Variants in P4HB observed in about 807,000 individuals in gnomAD.
P4HB encodes protein disulfide-isomerase.
Under a neutral mutation model 52.6 loss-of-function variants are expected in P4HB, and 20 were observed. The ratio of observed to expected loss-of-function variants is 0.38; its 90% CI spans 0.27 to 0.55. The LOEUF (loss-of-function observed/expected upper bound fraction) is 0.55. P4HB is among the 20% of genes least tolerant of loss of function. The pLI, the probability that P4HB is intolerant of heterozygous loss-of-function variation, is 0.74. For missense variants in P4HB, 601 were observed against 669.2 expected (o/e 0.90, Z 1.12); for synonymous variants, 296 against 277.9 (o/e 1.07, Z -0.65).
chr17:81,852,810 C>T (rs192029617), intron 4 of P4HB, among the ~76,000 whole-genome samples: 2 of 152,342 alleles, frequency 1.3e-5, no homozygotes, highest in East Asian at 3.9e-4. Flanking sequence ...AGAGTCACAG[C>T]GGCCACTGCA....
chr17:81,852,842 G>A (rs1345096838), intron 4 of P4HB, among the ~76,000 whole-genome samples: 7 of 152,260 alleles, frequency 4.6e-5, no homozygotes, highest in Non-Finnish European at 1.0e-4. Flanking sequence ...CACTGAAGGA[G>A]CTGTGGGCTG....
At chr17:81,854,852 A>G (rs1328504268) in intron 4 of P4HB, among the ~76,000 whole-genome samples, 3 of 151,474 alleles carry the variant, frequency 2.0e-5, no homozygotes, top group East Asian at 3.9e-4. Context: ...AAAAAAAAAA[A>G]GGGCAAATGT....
intron 4 of P4HB, among the ~76,000 whole-genome samples, chr17:81,848,408 G>A (rs2038772602): frequency 6.6e-6 from 1 of 152,040 alleles, no homozygotes; most frequent in Non-Finnish European, 1.5e-5. Context: ...CCGTAAAGAT[G>A]TGATTTATGA....
chr17:81,858,101 G>A (rs1243476739), intron 2 of P4HB, among the ~76,000 whole-genome samples: 1 of 151,766 alleles, frequency 6.6e-6, no homozygotes, highest in African/African-American at 2.4e-5. Flanking sequence ...GTGAAACCCC[G>A]TCTCTACTAA....
Position 81,855,671 on chromosome 17 carries a change from C to T in P4HB, c.353-85G>A. The T allele has an allele frequency of 1.3e-6, 2 of 1,501,914 alleles. No homozygotes were observed. Among genetic ancestry groups the T allele is most frequent in the South Asian group, 1.3e-5 (1 of 79,696 alleles). The allele number at this position is 1,501,914 out of a possible 1,614,324, so 93.0% of individuals were successfully genotyped here. A position where few individuals can be genotyped will look rare whatever the true frequency, so the allele number is the denominator to read the frequency against. ...GCCTGCTCCCGTCTCTGCTCTCTGCCAGCCAGGCTGAGGACACCTGAATCA... is the reference window on the plus strand; with the variant it reads ...GCCTGCTCCCGTCTCTGCTCTCTGCTAGCCAGGCTGAGGACACCTGAATCA... On this transcript the variant is annotated intron_variant, in intron 2 of 10. Transcript: ENST00000331483. The surrounding 1 kb of genome is among the most constrained non-coding windows in gnomAD (Gnocchi z 4.3).
At chr17:81,849,313 T>C (rs1264737427) in intron 4 of P4HB, among the ~76,000 whole-genome samples, 2 of 151,652 alleles carry the variant, frequency 1.3e-5, no homozygotes, top group Non-Finnish European at 2.9e-5. Flanking sequence ...TAATCCAACA[T>C]GGTAAAACGT....
At position 81,846,358 on chromosome 17, in the gene P4HB, C is replaced by G; in HGVS notation, c.1056+71G>C. The G allele has an allele frequency of 7.2e-7, 1 of 1,397,430 alleles. No individual in the cohort carries two copies. Among genetic ancestry groups the G allele is most frequent in the South Asian group, 1.2e-5 (1 of 86,490 alleles). 86.6% of individuals were successfully genotyped at this position (1,397,430 alleles called of 1,614,324 possible). A position where few individuals can be genotyped will look rare whatever the true frequency, so the allele number is the denominator to read the frequency against. The stretch of plus-strand genomic sequence containing the variant: ...TACTTTGAGGACGAAGCCCAGGACA[C>G]TGAGAGCCCAGAGACCCCAAGGTGG... On this transcript the variant is annotated intron_variant, in intron 7 of 10. Transcript: ENST00000331483. This position sits in a 1 kb window ranked among gnomAD's most constrained non-coding sequence, Gnocchi z 5.7.
At chr17:81,860,227 C>T in intron 1 of P4HB, 100 bp downstream of exon 1, 1 of 1,035,086 alleles carries the variant, frequency 9.7e-7, no homozygotes, top group Non-Finnish European at 1.3e-6. Flanking sequence ...TCCGGGCGCG[C>T]CGGGGGTCCC....
intron 2 of P4HB, chr17:81,858,804 A>C: frequency 4.2e-6 from 1 of 235,494 alleles, no homozygotes; most frequent in Non-Finnish European, 8.5e-6. Context: ...GCTACACACG[A>C]CAGCTAGCAG....
At position 81,847,343 on chromosome 17, in the gene P4HB, T is replaced by A. The variant is rs2038753134; in HGVS notation, c.629A>T (p.Asp210Val). ...CCCTTCAAAGTTGTTCCGGCCTTCA[T>A]CAAACTGTGGACAGAAAGAGGGCCC... ...KDGVVLFKKF[D>V]EGRNNFEGEV... Residue 210 changes from aspartate to valine, a missense_variant, in exon 5 of 11, where the codon GAT becomes GTT. Coordinates refer to ENST00000331483, the MANE Select transcript of P4HB (RefSeq NM_000918.4). 1 of 1,613,464 alleles carries A rather than the reference T, an allele frequency of 6.2e-7. No homozygotes were observed. Among genetic ancestry groups the A allele is most frequent in the South Asian group, 1.1e-5 (1 of 91,084 alleles).
chr17:81,844,928 C>G (rs563997329), intron 10 of P4HB, among the ~76,000 whole-genome samples: 7 of 152,376 alleles, frequency 4.6e-5, no homozygotes, highest in African/African-American at 1.7e-4. Context: ...AACGTCGTCC[C>G]CTAAAGAAGT....
chr17:81,845,164 C>G lies in P4HB; in HGVS notation c.1426G>C (p.Asp476His). 6.2e-7 allele frequency: 1 copy of G among 1,613,678 alleles called. No individual in the cohort carries two copies. The highest frequency in any genetic ancestry group is 8.5e-7 in the Non-Finnish European group (1 of 1,179,718). ...CTCACGTCATCATCCCCTGCCCCAT[C>G]CTGGCCACCGCTCTCCAGGAATTTC... ...FKKFLESGGQ[D>H]GAGDDDDLED... The change falls in exon 10 of 11, where the codon GAT becomes CAT. Residue 476 changes from aspartate (D) to histidine (H), a missense_variant. Coordinates refer to ENST00000331483, the MANE Select transcript of P4HB (RefSeq NM_000918.4).
chr17:81,853,237 T>C (rs1445588840), intron 4 of P4HB, among the ~76,000 whole-genome samples: 3 of 152,044 alleles, frequency 2.0e-5, no homozygotes, highest in African/African-American at 7.2e-5. Context: ...GGCTCTACCC[T>C]CCCTCCTACC....
At chr17:81,856,836 G>C (rs1358386208) in intron 2 of P4HB, among the ~76,000 whole-genome samples, 1 of 151,804 alleles carries the variant, frequency 6.6e-6, no homozygotes, top group Non-Finnish European at 1.5e-5. Context: ...TTTTAGTAGA[G>C]ACGGGGTTTC....
intron 1 of P4HB, 94 bp downstream of exon 1, chr17:81,860,233 G>T (rs1017289425): frequency 9.2e-7 from 1 of 1,089,836 alleles, no homozygotes. Flanking sequence ...CGCGCCGGGG[G>T]TCCCGACCCC....
In P4HB at chr17:81,843,991, G is replaced by T; in HGVS notation, c.*21C>A. On this transcript the variant is annotated 3_prime_UTR_variant, in exon 11 of 11. Transcript: ENST00000331483. ...GCAGCCCCCGAGGGGTCTCGGCAGCGCCCGGGTCTGGCTTTGCGTATTACA... is the reference window on the plus strand; with the variant it reads ...GCAGCCCCCGAGGGGTCTCGGCAGCTCCCGGGTCTGGCTTTGCGTATTACA... 2 of 1,588,974 alleles carry T rather than the reference G, an allele frequency of 1.3e-6. No homozygotes were observed. Among genetic ancestry groups the T allele is most frequent in the Non-Finnish European group, 1.7e-6 (2 of 1,157,440 alleles).
chr17:81,853,518 G>A (rs2038865619), intron 4 of P4HB, among the ~76,000 whole-genome samples: 1 of 151,882 alleles, frequency 6.6e-6, no homozygotes, highest in African/African-American at 2.4e-5. Context: ...AGCTTGCAGT[G>A]AGCTGAGATC....
At position 81,855,259 on chromosome 17, in the gene P4HB, G is replaced by T. The variant is rs1253457659; in HGVS notation, c.507C>A (p.Ala169=). 1 of 1,613,778 alleles carries T rather than the reference G, an allele frequency of 6.2e-7. No homozygotes were observed. Among genetic ancestry groups the T allele is most frequent in the Non-Finnish European group, 8.5e-7 (1 of 1,179,984 alleles). ...CCTCTGCTGCCTGCAAAAACTGCTTGGCAGAGTCCGACTCCACGTCCTGAA... is the reference window on the plus strand; with the variant it reads ...CCTCTGCTGCCTGCAAAAACTGCTTTGCAGAGTCCGACTCCACGTCCTGAA... ...GFFKDVESDS[A]KQFLQAAEAI... The change falls in exon 4 of 11, where the codon GCC becomes GCA. Residue 169 remains alanine, a synonymous_variant. Coordinates refer to ENST00000331483, the MANE Select transcript of P4HB (RefSeq NM_000918.4). The surrounding 1 kb of genome is among the most constrained non-coding windows in gnomAD (Gnocchi z 4.3).
At position 81,843,648 on chromosome 17, in the gene P4HB, T is replaced by G. The variant is rs1457263939; in HGVS notation, c.*364A>C. On this transcript the variant is annotated 3_prime_UTR_variant, in exon 11 of 11. Coordinates refer to ENST00000331483, the MANE Select transcript of P4HB (RefSeq NM_000918.4). ...CCTGATGTCGAAAAATGTCTAAAAA[T>G]CCCACAGACGGAATTTTCAAAAAGA... 4.3e-6 allele frequency: 2 copies of G among 461,914 alleles called. No individual in the cohort carries two copies. Among genetic ancestry groups the G allele is most frequent in the East Asian group, 3.3e-5 (1 of 30,680 alleles). 28.6% of individuals were successfully genotyped at this position (461,914 alleles called of 1,614,324 possible). A position where few individuals can be genotyped will look rare whatever the true frequency, so the allele number is the denominator to read the frequency against.
Sources: gnomAD v4.1 joint callset for allele counts (sites outside exome capture counted in the v4.1 genomes callset) on GRCh38, gnomAD v4.1.1 for gene constraint, Gnocchi (gnomAD v3.1) non-coding constraint, MANE v1.5 for transcripts, NCBI Gene and HGNC (gene_info 2026-07-23, HGNC 2026-07-21) for gene names.